The following RIPOR2 variants were observed in gnomAD, a reference collection of about 807,000 sequenced individuals.
RIPOR2 encodes the protein rho family-interacting cell polarization regulator 2.
Under a neutral mutation model 114.5 loss-of-function variants are expected in RIPOR2, and 39 were observed. The observed-to-expected ratio is 0.34, with a 90% CI of 0.26 to 0.44. The LOEUF (loss-of-function observed/expected upper bound fraction) is 0.44. RIPOR2 is among the 20% of genes least tolerant of loss of function. The pLI is 1.00. For missense variants in RIPOR2, 1,007 were observed against 1,255.1 expected, an observed-to-expected ratio of 0.80 and a Z score of 2.99; for synonymous variants, 445 against 484.4, an observed-to-expected ratio of 0.92 and a Z score of 1.07.
chr6:24,889,159 T>C (rs573777926), intron 1 of RIPOR2, among the ~76,000 whole-genome samples: 5 of 152,318 alleles, frequency 3.3e-5, no homozygotes, highest in African/African-American at 1.2e-4. Flanking sequence ...CATCAAGAGA[T>C]GCAGTTGGAA....
intron 1 of RIPOR2, among the ~76,000 whole-genome samples, chr6:24,884,475 T>C (rs960619202): frequency 6.6e-6 from 1 of 152,214 alleles, no homozygotes; most frequent in Non-Finnish European, 1.5e-5. Flanking sequence ...TGCTTCTCAG[T>C]TGTCAACATT....
chr6:24,870,098 C>A (rs1411607912), intron 5 of RIPOR2, among the ~76,000 whole-genome samples: 1 of 152,054 alleles, frequency 6.6e-6, no homozygotes, highest in Non-Finnish European at 1.5e-5. Context: ...TCTAAACAGA[C>A]CTAACAGTTT....
chr6:24,849,865 T>C lies in RIPOR2; in HGVS notation c.971A>G (p.Gln324Arg). The C allele has an allele frequency of 6.2e-7, 1 of 1,613,780 alleles. No individual in the cohort carries two copies. The highest frequency in any genetic ancestry group is 8.5e-7 in the Non-Finnish European group (1 of 1,179,734). The change falls in exon 11 of 22, where the codon CAG becomes CGG. Residue 324 changes from glutamine to arginine, a missense_variant. Gln to Arg is a conservative substitution (Grantham distance 43). Transcript: ENST00000643898. ...ETKELFAARP[Q>R]VVAVDINDLG... ...GTCATTGATGTCGACAGCCACTACC[T>C]GAGGTCGGGCTGCAAACAGCTCTTT...
rs565154005 is a variant in RIPOR2, at chr6:24,857,659, T to C, written c.715+3314A>G. Among the ~76,000 whole-genome samples the C allele has an allele frequency of 5.6e-4, 86 of 152,310 alleles. 1 individual carries two copies. The highest frequency in any genetic ancestry group is 1.0e-3 in the Non-Finnish European group (70 of 68,028). ...TCCTATTACAGGTGTTACTGATCTA[T>C]TGACCAGGCATAAATAATGCAAGTT... On this transcript the variant is annotated intron_variant, in intron 8 of 21. Coordinates refer to ENST00000643898, the MANE Select transcript of RIPOR2 (RefSeq NM_001286445.3).
intron 1 of RIPOR2, among the ~76,000 whole-genome samples, chr6:24,947,644 T>C (rs1397400523): frequency 1.3e-5 from 2 of 151,928 alleles, no homozygotes; most frequent in Non-Finnish European, 2.9e-5. Context: ...ACAGTTTAAT[T>C]AGCAGCCTTG....
chr6:24,924,741 A>G (rs1440578000), intron 1 of RIPOR2, among the ~76,000 whole-genome samples: 1 of 152,204 alleles, frequency 6.6e-6, no homozygotes, highest in Non-Finnish European at 1.5e-5. Context: ...GAAGAAAGAG[A>G]TGATACAAAA....
intron 1 of RIPOR2, among the ~76,000 whole-genome samples, chr6:24,897,922 G>A (rs1473372191): frequency 2.6e-5 from 4 of 152,030 alleles, no homozygotes; most frequent in African/African-American, 4.8e-5. Context: ...ACCATGCCTG[G>A]CTGAGGCAGG....
At chr6:24,986,483 G>A (rs182369094) in intron 1 of RIPOR2, among the ~76,000 whole-genome samples, 4 of 152,202 alleles carry the variant, frequency 2.6e-5, no homozygotes, top group African/African-American at 9.6e-5. Context: ...TTAGGAACTA[G>A]TGCAAAACAG....
chr6:24,930,978 C>T (rs1771347431), intron 1 of RIPOR2, among the ~76,000 whole-genome samples: 1 of 152,232 alleles, frequency 6.6e-6, no homozygotes, highest in Non-Finnish European at 1.5e-5. Flanking sequence ...CTCCAATCCT[C>T]TCTAGCCAAG....
chr6:25,026,478 A>G (rs1178898488), intron 1 of RIPOR2, among the ~76,000 whole-genome samples: 1 of 152,218 alleles, frequency 6.6e-6, no homozygotes, highest in Non-Finnish European at 1.5e-5. Flanking sequence ...TGGAAGCTCA[A>G]TATGCAAACA....
At chr6:24,914,107 G>C (rs982617882) in intron 1 of RIPOR2, among the ~76,000 whole-genome samples, 1 of 152,142 alleles carries the variant, frequency 6.6e-6, no homozygotes, top group Admixed American at 6.5e-5. Flanking sequence ...GGCCGAGGTG[G>C]GTGGATCACT....
chr6:24,902,894 A>G (rs752640467), intron 1 of RIPOR2, among the ~76,000 whole-genome samples: 4 of 152,250 alleles, frequency 2.6e-5, no homozygotes, highest in Non-Finnish European at 5.9e-5. Context: ...TTTGATAGGA[A>G]TAACACAACA....
chr6:24,847,639 G>T (rs1326403262), intron 12 of RIPOR2: 6 of 1,551,440 alleles, frequency 3.9e-6, no homozygotes, highest in Non-Finnish European at 5.2e-6. Flanking sequence ...GTCTTGCAAG[G>T]CACTCAAGAC....
intron 1 of RIPOR2, among the ~76,000 whole-genome samples, chr6:25,013,983 G>T (rs1169629713): frequency 6.6e-6 from 1 of 152,168 alleles, no homozygotes; most frequent in Non-Finnish European, 1.5e-5. Context: ...CAAAAATTTA[G>T]GACTGGAAGT....
At chr6:24,989,046 C>G (rs1774665200) in intron 1 of RIPOR2, among the ~76,000 whole-genome samples, 1 of 151,980 alleles carries the variant, frequency 6.6e-6, no homozygotes, top group Non-Finnish European at 1.5e-5. Flanking sequence ...ATTCTTGAAC[C>G]CTACATCTTC....
intron 12 of RIPOR2, chr6:24,847,618 G>T: frequency 1.3e-6 from 2 of 1,551,684 alleles, no homozygotes; most frequent in Non-Finnish European, 1.7e-6. Context: ...GTGCAGCTTG[G>T]CAAAGAAAGT....
chr6:24,875,760 C>T lies in RIPOR2; in HGVS notation c.119G>A (p.Gly40Glu). The T allele has an allele frequency of 6.2e-7, 1 of 1,613,548 alleles. No individual in the cohort carries two copies. Among genetic ancestry groups the T allele is most frequent in the Non-Finnish European group, 8.5e-7 (1 of 1,179,734 alleles). The change falls in exon 2 of 22, where the codon GGA becomes GAA. Residue 40 changes from glycine to glutamate, a missense_variant. Gly to Glu is a moderately conservative substitution (Grantham distance 98). Coordinates refer to ENST00000643898, the MANE Select transcript of RIPOR2 (RefSeq NM_001286445.3). ...MLVGSQSFSP[G>E]GPNGIIRSQS... ...GCTTCTAATGATCCCATTGGGCCCTCCAGGCGAAAAAGACTGGGATCCTAC... is the reference window on the plus strand; with the variant it reads ...GCTTCTAATGATCCCATTGGGCCCTTCAGGCGAAAAAGACTGGGATCCTAC...
intron 1 of RIPOR2, among the ~76,000 whole-genome samples, chr6:24,965,921 G>A (rs377146): frequency 0.82 from 125,326 of 152,154 alleles, 54,374 homozygotes; most frequent in East Asian, 0.96. Flanking sequence ...TGTTTCTTCT[G>A]TATTGCAAGA....
At chr6:24,939,417 T>A (rs1771994280), upstream of RIPOR2, among the ~76,000 whole-genome samples, 1 of 152,146 alleles carries the variant, frequency 6.6e-6, no homozygotes, top group Non-Finnish European at 1.5e-5. Flanking sequence ...TTATGCAGAC[T>A]CATCTCTCAT....
Sources: gnomAD v4.1 joint callset for allele counts (sites outside exome capture counted in the v4.1 genomes callset) on GRCh38, gnomAD v4.1.1 for gene constraint, MANE v1.5 for transcripts, NCBI Gene and HGNC (gene_info 2026-07-23, HGNC 2026-07-21) for gene names.